BPIFB6: variants seen among roughly 807,000 people sequenced by gnomAD.
BPIFB6 encodes the protein BPI fold containing family B member 6, also known as BPI fold-containing family B member 6.
A neutral mutation model predicts 54.7 loss-of-function variants in BPIFB6; 47 were observed. That is an observed-to-expected ratio of 0.86 (90% CI 0.68 to 1.10). BPIFB6 has a LOEUF of 1.10. BPIFB6 is among the 50% of genes least tolerant of loss of function. The pLI, the probability that BPIFB6 is intolerant of heterozygous loss-of-function variation, is 0.00. For missense variants in BPIFB6, 603 were observed against 564.1 expected (o/e 1.07, Z -0.70); for synonymous variants, 255 against 225.9 (o/e 1.13, Z -1.16).
At chr20:33,035,381 T>A (rs1247185074) in intron 5 of BPIFB6, among the ~76,000 whole-genome samples, 1 of 152,188 alleles carries the variant, frequency 6.6e-6, no homozygotes. Context: ...TGCTTTGATG[T>A]CCAGTCCCAG....
chr20:33,039,263 A>G (rs1289604014), intron 9 of BPIFB6, 84 bp from the exon 10 acceptor site: 1 of 1,362,140 alleles, frequency 7.3e-7, no homozygotes, highest in African/African-American at 1.5e-5. Flanking sequence ...CGTAGAAATC[A>G]CCTATGTCTT....
rs769668730 is a variant in BPIFB6, at chr20:33,043,306, G to A, written c.1268G>A (p.Gly423Glu). The A allele has an allele frequency of 1.9e-6, 3 of 1,614,138 alleles. No homozygotes were observed. Among genetic ancestry groups the A allele is most frequent in the Middle Eastern group, 1.6e-4 (1 of 6,062 alleles). The change falls in exon 14 of 15, where the codon GGG (glycine) becomes GAG (glutamate). Residue 423 changes from glycine to glutamate, a missense_variant. Gly to Glu is a moderately conservative substitution (Grantham distance 98). Coordinates refer to ENST00000349552, the MANE Select transcript of BPIFB6 (RefSeq NM_174897.2). Reference protein sequence around the residue: ...IPVVNDVLQVGLPLPDFLAMN... With the variant: ...IPVVNDVLQVELPLPDFLAMN... The stretch of plus-strand genomic sequence containing the variant: ...TATTTCTCAGATGTGCTTCAAGTGG[G>A]GCTCCCACTCCCGGACTTTCTGGCC...
In BPIFB6 at chr20:33,031,698, A is replaced by T. The variant is rs1468204838; in HGVS notation, c.51A>T (p.Arg17=). The change falls in exon 1 of 15, where the codon CGA becomes CGT. Residue 17 remains arginine, a synonymous_variant. Coordinates refer to ENST00000349552, the MANE Select transcript of BPIFB6 (RefSeq NM_174897.2). The part of the protein sequence containing the change: ...LALCSLLTGT[R]ADPGALLRLG... ...TCTGCAGCCTGCTGACTGGCACGCG[A>T]GCTGACCCTGGGGCACTGCTGCGGT... The T allele has an allele frequency of 6.2e-7, 1 of 1,614,028 alleles. No individual in the cohort carries two copies. Among genetic ancestry groups the T allele is most frequent in the Non-Finnish European group, 8.5e-7 (1 of 1,179,998 alleles).
At chr20:33,035,704 A>C (rs745407310) in intron 6 of BPIFB6, 32 bp downstream of exon 6, 1 of 1,597,698 alleles carries the variant, frequency 6.3e-7, no homozygotes, top group South Asian at 1.1e-5. Flanking sequence ...CCTTGCCCCT[A>C]CCTAGGGATA....
rs747178541 is a variant in BPIFB6 at position 33,040,250 on chromosome 20, G to A, written c.1075-1G>A. On this transcript the variant is annotated splice_acceptor_variant, in intron 10 of 14. Transcript: ENST00000349552. LOFTEE classifies it high-confidence loss of function. ...TCCCTGCTTCCTCCCCACCATGCCAGCACTTCAATCTGAAGGTCCAGTACT... is the reference window on the plus strand; with the variant it reads ...TCCCTGCTTCCTCCCCACCATGCCAACACTTCAATCTGAAGGTCCAGTACT... 1.2e-6 allele frequency: 2 copies of A among 1,614,030 alleles called. No individual in the cohort carries two copies. The highest frequency in any genetic ancestry group is 1.1e-5 in the South Asian group (1 of 91,076).
chr20:33,034,724 GCAGAGA>G, intron 3 of BPIFB6, 33 bp from the exon 4 acceptor site: 1 of 1,569,088 alleles, frequency 6.4e-7, no homozygotes, highest in Middle Eastern at 1.7e-4. Context: ...GGACACCATG[GCAGAGA>G]TGCCCATGGT....
rs1456696470 is a variant in BPIFB6 at position 33,031,730 on chromosome 20, T to A, written c.83T>A (p.Met28Lys). ...CCTGGGGCACTGCTGCGGTTGGGCA[T>A]GGACATCATGAACCGTGGTGAGCTT... is the stretch of plus-strand genomic sequence containing the variant. ...ADPGALLRLG[M>K]DIMNQVQSAM... The change falls in exon 1 of 15, where the codon ATG becomes AAG. Residue 28 changes from methionine to lysine, a missense_variant. Transcript: ENST00000349552. 2 of 1,614,090 alleles carry A rather than the reference T, an allele frequency of 1.2e-6. No individual in the cohort carries two copies. Among genetic ancestry groups the A allele is most frequent in the Non-Finnish European group, 1.7e-6 (2 of 1,179,988 alleles).
At chr20:33,034,436 C>T in intron 3 of BPIFB6, 146 bp downstream of exon 3, 1 of 692,234 alleles carries the variant, frequency 1.4e-6, no homozygotes, top group Non-Finnish European at 2.6e-6. Flanking sequence ...TTGTCAGGAA[C>T]CAGACCTAAG....
chr20:33,042,425 C>G (rs975172962), intron 12 of BPIFB6, among the ~76,000 whole-genome samples: 4 of 152,186 alleles, frequency 2.6e-5, no homozygotes, highest in Non-Finnish European at 4.4e-5. Context: ...TCATGGAAAC[C>G]CTGGGAGCAG....
intron 13 of BPIFB6, 76 bp downstream of exon 13, chr20:33,042,954 T>A (rs112211884): frequency 1.4e-6 from 2 of 1,396,296 alleles, no homozygotes; most frequent in Middle Eastern, 2.0e-4. Flanking sequence ...CTGGGTGGTC[T>A]CAAAGCCCTA....
intron 1 of BPIFB6, among the ~76,000 whole-genome samples, chr20:33,032,144 T>C (rs1979129779): frequency 6.6e-6 from 1 of 152,136 alleles, no homozygotes; most frequent in South Asian, 2.1e-4. Context: ...AGGTGAAATG[T>C]AAAGAAATGT....
At chr20:33,041,604 G>A (rs916278643) in intron 11 of BPIFB6, among the ~76,000 whole-genome samples, 1 of 152,256 alleles carries the variant, frequency 6.6e-6, no homozygotes, top group East Asian at 1.9e-4. Context: ...CAGGGACGGG[G>A]CTGGGGGAAG....
chr20:33,038,151 T>C lies in BPIFB6; in HGVS notation c.846+413T>C, dbSNP rs1289698884. On this transcript the variant is annotated intron_variant, in intron 8 of 14. Transcript: ENST00000349552. ...CACCTACTACAAAGTCTGATACTGT[T>C]GAATGAATGAATGTATGCACCTGCC... Among the ~76,000 whole-genome samples, 5 of 152,256 alleles carry C rather than the reference T, an allele frequency of 3.3e-5. No individual in the cohort carries two copies. The East Asian group carries it at 9.7e-4, about 29-fold the overall frequency.
At chr20:33,039,901 G>A (rs772374003) in intron 10 of BPIFB6, among the ~76,000 whole-genome samples, 1 of 152,194 alleles carries the variant, frequency 6.6e-6, no homozygotes, top group Non-Finnish European at 1.5e-5. Flanking sequence ...GCCAGAGAAG[G>A]GTTGGGGACA....
chr20:33,041,748 T>C (rs532179646), intron 11 of BPIFB6, among the ~76,000 whole-genome samples: 1 of 152,148 alleles, frequency 6.6e-6, no homozygotes, highest in African/African-American at 2.4e-5. Flanking sequence ...AGTCTAGTGG[T>C]TTGAGCTTTG....
chr20:33,042,971 G>A, intron 13 of BPIFB6, 93 bp downstream of exon 13: 1 of 1,135,052 alleles, frequency 8.8e-7, no homozygotes, highest in Admixed American at 2.0e-5. Context: ...CCTATCACTG[G>A]GCCCAGATGG....
intron 14 of BPIFB6, 148 bp from the exon 15 acceptor site, chr20:33,043,867 C>T (rs939888255): frequency 2.1e-6 from 2 of 965,464 alleles, no homozygotes; most frequent in Non-Finnish European, 3.3e-6. Flanking sequence ...GTGAAGTGAC[C>T]TCTCCAGGGT....
In BPIFB6 at chr20:33,041,912, A is replaced by C. The variant is rs1391309761; in HGVS notation, c.1143-58A>C. ...GACCCCCTTCTCCAGCGCCAGGGCC[A>C]CTGGCTCTGACCGTTCTTTCCCCTC... is the stretch of plus-strand genomic sequence containing the variant. On this transcript the variant is annotated intron_variant, in intron 11 of 14. Coordinates refer to ENST00000349552, the MANE Select transcript of BPIFB6 (RefSeq NM_174897.2). 9.8e-6 allele frequency: 15 copies of C among 1,531,946 alleles called. No homozygotes were observed. The East Asian group carries it at 3.2e-4, about 32-fold the overall frequency. 94.9% of individuals were successfully genotyped at this position (1,531,946 alleles called of 1,614,324 possible).
intron 7 of BPIFB6, among the ~76,000 whole-genome samples, chr20:33,037,235 GTC>G (rs1016113616): frequency 6.6e-6 from 1 of 152,204 alleles, no homozygotes; most frequent in African/African-American, 2.4e-5. Flanking sequence ...ATTTCCGCCT[GTC>G]TCTTTCTCTT....
Sources: gnomAD v4.1 joint callset for allele counts (sites outside exome capture counted in the v4.1 genomes callset) on GRCh38, gnomAD v4.1.1 for gene constraint, MANE v1.5 for transcripts, NCBI Gene and HGNC (gene_info 2026-07-23, HGNC 2026-07-21) for gene names.